TBCD: variants seen among roughly 807,000 people sequenced by gnomAD.
TBCD encodes the protein tubulin-specific chaperone D.
A neutral mutation model predicts 169.3 loss-of-function variants in TBCD; 105 were observed. The ratio of observed to expected loss-of-function variants is 0.62; its 90% CI spans 0.53 to 0.73. The LOEUF (loss-of-function observed/expected upper bound fraction) is 0.73. TBCD is among the 30% of genes least tolerant of loss of function. The pLI is 0.00. For missense variants in TBCD, 1,444 were observed against 1,600.1 expected (o/e 0.90, Z 1.66); for synonymous variants, 700 against 643.9 (o/e 1.09, Z -1.32).
chr17:82,781,382 C>T (rs2048939813), intron 6 of TBCD, among the ~76,000 whole-genome samples: 2 of 151,834 alleles, frequency 1.3e-5, no homozygotes. Flanking sequence ...TGCTGAGGGC[C>T]CTGGTCAGGG....
In TBCD at chr17:82,884,397, C is replaced by T. The variant is rs547778165; in HGVS notation, c.1533+195C>T. 1.8e-4 allele frequency among the ~76,000 whole-genome samples: 28 copies of T among 152,270 alleles called. No homozygotes were observed. Among genetic ancestry groups the T allele is most frequent in the East Asian group, 3.9e-4 (2 of 5,182 alleles). ...CTGGGCGTCTTCAGCGTGTGAAGGG[C>T]GGTCAGGGTTAAGCATCCCCAGAGC... On this transcript the variant is annotated intron_variant, in intron 15 of 38. Transcript: ENST00000355528. The surrounding 1 kb of genome is among the most constrained non-coding windows in gnomAD (Gnocchi z 4.2).
At chr17:82,781,787 A>G in intron 7 of TBCD, 66 bp downstream of exon 7, 2 of 1,588,360 alleles carry the variant, frequency 1.3e-6, no homozygotes, top group Non-Finnish European at 1.7e-6. Context: ...GGACCACGGA[A>G]TGATGTTACC....
chr17:82,844,436 G>T (rs866285856), intron 13 of TBCD, among the ~76,000 whole-genome samples: 1 of 152,012 alleles, frequency 6.6e-6, no homozygotes, highest in Non-Finnish European at 1.5e-5. Flanking sequence ...CCTGTCTCCT[G>T]CCCCAGTGCT....
intron 2 of TBCD, among the ~76,000 whole-genome samples, chr17:82,758,400 A>AAAAAAAAAATAAAAAAT: frequency 1.0e-5 from 1 of 100,032 alleles, no homozygotes; most frequent in Non-Finnish European, 1.9e-5. Context: ...AAAAAAAAAA[A>AAAAAAAAAATAAAAAAT]AAATAAATAA....
chr17:82,772,853 T>C (rs937750820), intron 6 of TBCD, among the ~76,000 whole-genome samples: 2 of 151,970 alleles, frequency 1.3e-5, no homozygotes, highest in African/African-American at 2.4e-5. Context: ...CCGTCTCCCA[T>C]GGAGATGATG....
At chr17:82,810,781 G>T (rs985769813) in intron 12 of TBCD, among the ~76,000 whole-genome samples, 1 of 152,228 alleles carries the variant, frequency 6.6e-6, no homozygotes, top group African/African-American at 2.4e-5. Context: ...ACACCGTGGC[G>T]AAAGCTGTGC....
chr17:82,927,983 C>T lies in TBCD; in HGVS notation c.2688C>T (p.Ala896=), dbSNP rs1328908811. The T allele has an allele frequency of 6.2e-7, 1 of 1,610,478 alleles. No homozygotes were observed. The highest frequency in any genetic ancestry group is 1.1e-5 in the South Asian group (1 of 91,080). ...GGAGCCAGCCTGAGCTGATCGAGGC[C>T]CATACGTGAGTGTCACGTCGCAGCT... ...LARSQPELIE[A]HTCERIMCCV... is the part of the protein sequence containing the mutation. Residue 896 remains alanine, a synonymous_variant, in exon 30 of 39, where the codon GCC becomes GCT. Transcript: ENST00000355528.
In TBCD at chr17:82,927,464, T is replaced by G. The variant is rs758884697; in HGVS notation, c.2609+141T>G. ...TGCGTTTTAAAGGCTCTGGGGAAGA[T>G]GACCTGTTCTCTGCTCCCGGGTGAG... On this transcript the variant is annotated intron_variant, in intron 29 of 38. Coordinates refer to ENST00000355528, the MANE Select transcript of TBCD (RefSeq NM_005993.5). 76 of 1,227,060 alleles carry G rather than the reference T, an allele frequency of 6.2e-5. 1 individual carries two copies. In the Admixed American group the frequency reaches 1.7e-3, roughly 27 times the overall value. 76.0% of individuals were successfully genotyped at this position (1,227,060 alleles called of 1,614,324 possible).
Position 82,833,920 on chromosome 17 carries a change from C to T in TBCD, c.1318+18986C>T, listed in dbSNP as rs751840563. ...CTCAGGTTTCCTTCAGAGGCTGTGC[C>T]GCACGCCCAAGGCTGAGAACAAAGG... On this transcript the variant is annotated intron_variant, in intron 13 of 38. Transcript: ENST00000355528. The surrounding 1 kb of genome is among the most constrained non-coding windows in gnomAD (Gnocchi z 4.7). Among the ~76,000 whole-genome samples the T allele has an allele frequency of 2.0e-5, 3 of 151,934 alleles. No individual in the cohort carries two copies. Among genetic ancestry groups the T allele is most frequent in the South Asian group, 2.1e-4 (1 of 4,802 alleles).
intron 2 of TBCD, among the ~76,000 whole-genome samples, chr17:82,762,712 G>A (rs1010804215): frequency 1.3e-5 from 2 of 151,882 alleles, no homozygotes; most frequent in African/African-American, 4.8e-5. Flanking sequence ...TGACACCACT[G>A]CACTCCAGCC....
chr17:82,785,996 T>C (rs2049294457), intron 7 of TBCD, among the ~76,000 whole-genome samples: 1 of 152,166 alleles, frequency 6.6e-6, no homozygotes. Flanking sequence ...TCAGGATCCA[T>C]GTGGATATGT....
At chr17:82,808,184 G>A (rs528514788) in intron 11 of TBCD, among the ~76,000 whole-genome samples, 2 of 152,322 alleles carry the variant, frequency 1.3e-5, no homozygotes, top group African/African-American at 4.8e-5. Context: ...GTGGAGCCCT[G>A]GCCTGGAGGA....
At chr17:82,925,900 GGCTGGCCGTGGAGAGGCTGGAGGTGACC>G (rs2147236128) in intron 27 of TBCD, among the ~76,000 whole-genome samples, 1 of 152,072 alleles carries the variant, frequency 6.6e-6, no homozygotes, top group Non-Finnish European at 1.5e-5. Flanking sequence ...CTGGGGTGGG[GGCTGGCCGTGGAGAGGCTGGAGGTGACC>G]TCTCCCCGGG....
intron 13 of TBCD, chr17:82,860,319 G>A (rs1376138564): frequency 3.7e-5 from 36 of 961,572 alleles, no homozygotes; most frequent in South Asian, 9.7e-5. Flanking sequence ...TGCGCTGAGC[G>A]TCCCCTCCCC....
At chr17:82,807,791 A>C in intron 11 of TBCD, 123 bp downstream of exon 11, 1 of 645,050 alleles carries the variant, frequency 1.6e-6, no homozygotes, top group African/African-American at 1.9e-5. Context: ...GCCCCCTCCA[A>C]CTTATGTGTG....
At chr17:82,821,550 T>C (rs1353028286) in intron 13 of TBCD, among the ~76,000 whole-genome samples, 1 of 152,222 alleles carries the variant, frequency 6.6e-6, no homozygotes, top group Non-Finnish European at 1.5e-5. Flanking sequence ...GCTTTTCTCC[T>C]GCCTTCCCTC....
intron 20 of TBCD, among the ~76,000 whole-genome samples, chr17:82,906,461 T>C (rs191265447): frequency 6.6e-6 from 1 of 152,252 alleles, no homozygotes; most frequent in Non-Finnish European, 1.5e-5. Flanking sequence ...TAGTTTAAAA[T>C]GCCAGAGAAT....
chr17:82,937,446 G>A, intron 35 of TBCD, 86 bp downstream of exon 35: 2 of 1,189,946 alleles, frequency 1.7e-6, no homozygotes, highest in South Asian at 1.2e-5. Context: ...GCTCCAGGCG[G>A]GAGAGGAGCA....
intron 16 of TBCD, 60 bp from the exon 17 acceptor site, chr17:82,893,487 G>C: frequency 7.5e-7 from 1 of 1,325,600 alleles, no homozygotes; most frequent in South Asian, 1.3e-5. Flanking sequence ...TATTGAACTT[G>C]GTGAAATGCC....
Sources: allele counts gnomAD v4.1 joint callset (sites outside exome capture counted in the v4.1 genomes callset), GRCh38; gene constraint gnomAD v4.1.1; non-coding constraint Gnocchi (gnomAD v3.1); transcripts MANE v1.5; gene names NCBI Gene and HGNC (gene_info 2026-07-23, HGNC 2026-07-21).